Variants in NBPF9 observed in about 807,000 individuals in gnomAD.
The protein encoded by NBPF9 is NBPF family member NBPF9.
Under a neutral mutation model 97.8 loss-of-function variants are expected in NBPF9, and 91 were observed. The observed-to-expected ratio is 0.93, with a 90% CI of 0.79 to 1.11. The LOEUF is 1.11. Among genes scored for constraint, NBPF9 ranks in the 50% least tolerant of loss-of-function variants. The pLI is 0.00. For synonymous variants in NBPF9, 334 were observed against 359.5 expected, an observed-to-expected ratio of 0.93 and a Z score of 0.80; for missense variants, 992 against 939.5, an observed-to-expected ratio of 1.06 and a Z score of -0.73.
chr1:149,090,880 C>T (rs2081367066), exon 5 of NBPF9: 1 of 532,800 alleles, frequency 1.9e-6, no homozygotes, highest in East Asian at 3.1e-5. Flanking sequence ...GTTTGACCAT[C>T]CTTATCTTCA....
At chr1:149,070,990 G>C (rs1559526034) in exon 16 of NBPF9, 2 of 1,612,464 alleles carry the variant, frequency 1.2e-6, no homozygotes, top group Non-Finnish European at 1.7e-6. Flanking sequence ...GCCAATGAGA[G>C]TTGAGTCGAC....
At chr1:149,060,080 T>C in intron 24 of NBPF9, 3 of 299,906 alleles carry the variant, frequency 1.0e-5, no homozygotes, top group South Asian at 4.2e-5. Context: ...GCCATATTTT[T>C]CCAATCAATT....
At chr1:149,055,399 T>C in exon 30 of NBPF9, 1 of 667,246 alleles carries the variant, frequency 1.5e-6, no homozygotes, top group Non-Finnish European at 2.5e-6. Flanking sequence ...AGATACGTGG[T>C]TCAAATTAAA....
At chr1:149,073,173 A>G (rs1553653406) in intron 13 of NBPF9, among the ~76,000 whole-genome samples, 1 of 148,770 alleles carries the variant, frequency 6.7e-6, no homozygotes, top group African/African-American at 2.5e-5. Flanking sequence ...TCCCTTCTGT[A>G]AACAAAAGTA....
At chr1:149,100,059 G>C (rs76465787) in intron 3 of NBPF9, among the ~76,000 whole-genome samples, 1 of 142,732 alleles carries the variant, frequency 7.0e-6, no homozygotes, top group African/African-American at 2.6e-5. Context: ...ATATCACGTC[G>C]GCCCTTTAAA....
At chr1:149,094,072 T>G (rs1298938992) in intron 4 of NBPF9, among the ~76,000 whole-genome samples, 2 of 151,496 alleles carry the variant, frequency 1.3e-5, no homozygotes, top group Admixed American at 1.3e-4. Flanking sequence ...GAGGTGGAGG[T>G]TGCAGTGAGC....
At chr1:149,095,613 C>T (rs1242521379) in intron 4 of NBPF9, among the ~76,000 whole-genome samples, 1 of 78,312 alleles carries the variant, frequency 1.3e-5, no homozygotes, top group Admixed American at 1.5e-4. Context: ...GAGAACTAAA[C>T]AACACAAAGC....
At chr1:149,068,599 C>A (rs9442085) in intron 17 of NBPF9, among the ~76,000 whole-genome samples, 1 of 151,478 alleles carries the variant, frequency 6.6e-6, no homozygotes, top group African/African-American at 2.4e-5. Flanking sequence ...TATATGCACC[C>A]TATACAGGAG....
intron 5 of NBPF9, among the ~76,000 whole-genome samples, chr1:149,085,148 G>C (rs2080885337): frequency 6.6e-6 from 1 of 151,970 alleles, no homozygotes. Context: ...CATGGGCTGG[G>C]GGCCAGGGAT....
intron 26 of NBPF9, 52 bp downstream of exon 26, chr1:149,058,873 C>A: frequency 1.5e-6 from 1 of 676,394 alleles, no homozygotes. Context: ...GAATATCACC[C>A]CTATCTGGAA....
rs1181705106 is a variant in NBPF9, at chr1:149,079,584, G to A, written c.279-363C>T. ...GCATCTTGCGGCCACTAGATACAAAGCCATGTACAGAAATGAGGCCAGGGG... is the reference window on the plus strand; with the variant it reads ...GCATCTTGCGGCCACTAGATACAAAACCATGTACAGAAATGAGGCCAGGGG... On this transcript the variant is annotated intron_variant, in intron 8 of 29. Coordinates refer to ENST00000584027, the Ensembl canonical transcript of NBPF9. Among the ~76,000 whole-genome samples the A allele has an allele frequency of 6.1e-5, 9 of 148,336 alleles. No homozygotes were observed. The South Asian group carries it at 1.4e-3, about 22-fold the overall frequency.
At chr1:149,075,630 G>C (rs200709647) in intron 12 of NBPF9, 25 bp downstream of exon 12, 1 of 1,437,706 alleles carries the variant, frequency 7.0e-7, no homozygotes, top group Admixed American at 1.7e-5. Flanking sequence ...CATCACTTTC[G>C]TGATGGTGAG....
intron 5 of NBPF9, among the ~76,000 whole-genome samples, chr1:149,082,902 C>T (rs1369006002): frequency 6.8e-6 from 1 of 147,918 alleles, no homozygotes; most frequent in Non-Finnish European, 1.5e-5. Context: ...GCCTCAGACT[C>T]CCAAGTAGCT....
In NBPF9 at chr1:149,084,811, T is replaced by C. The variant is rs1411940119; in HGVS notation, c.-194-2381A>G. Among the ~76,000 whole-genome samples the C allele has an allele frequency of 6.7e-5, 10 of 149,604 alleles. 1 individual carries two copies. In the East Asian group the frequency reaches 2.5e-3, roughly 37 times the overall value. ...GACACTGGGGGGGCCAGAAATATACTGTGGTCCTGGACTCACTGCTGCAGG... is the reference window on the plus strand; with the variant it reads ...GACACTGGGGGGGCCAGAAATATACCGTGGTCCTGGACTCACTGCTGCAGG... On this transcript the variant is annotated intron_variant, in intron 5 of 29. Transcript: ENST00000584027.
intron 21 of NBPF9, among the ~76,000 whole-genome samples, 188 bp downstream of exon 21, chr1:149,062,674 T>A (rs4086312): frequency 6.6e-6 from 1 of 150,564 alleles, no homozygotes; most frequent in Admixed American, 6.7e-5. Context: ...TATAGTAAGT[T>A]AGTAAATGAT....
At chr1:149,070,783 T>C in intron 16 of NBPF9, 151 bp downstream of exon 16, 1 of 1,421,442 alleles carries the variant, frequency 7.0e-7, no homozygotes. Context: ...GGCATGACAT[T>C]AGCTGAGAAG....
chr1:149,076,180 C>T (rs1189378885), intron 11 of NBPF9, among the ~76,000 whole-genome samples: 1 of 151,714 alleles, frequency 6.6e-6, no homozygotes, highest in Non-Finnish European at 1.5e-5. Context: ...TTTCATTTTG[C>T]TTTTTTAATT....
At chr1:149,086,958 G>C (rs1258492469) in intron 5 of NBPF9, among the ~76,000 whole-genome samples, 1 of 152,068 alleles carries the variant, frequency 6.6e-6, no homozygotes, top group Non-Finnish European at 1.5e-5. Context: ...GAAACTGTTA[G>C]ATTTTCAAAG....
chr1:149,064,270 T>A (rs1200107288), intron 19 of NBPF9, among the ~76,000 whole-genome samples, 161 bp downstream of exon 19: 2 of 136,414 alleles, frequency 1.5e-5, no homozygotes, highest in African/African-American at 3.0e-5. Flanking sequence ...AATGGAAACC[T>A]AAACATTTAC....
Sources: allele counts gnomAD v4.1 joint callset (sites outside exome capture counted in the v4.1 genomes callset), GRCh38; gene constraint gnomAD v4.1.1; transcripts MANE v1.5; gene names NCBI Gene and HGNC (gene_info 2026-07-23, HGNC 2026-07-21).